Variants in GPC5 observed in about 807,000 individuals in gnomAD.
The protein encoded by GPC5 is glypican 5.
A neutral mutation model predicts 53.9 loss-of-function variants in GPC5; 47 were observed. The observed-to-expected ratio is 0.87, with a 90% CI of 0.69 to 1.11. GPC5 has a LOEUF of 1.11. GPC5 is among the 50% of genes most tolerant of loss of function. The pLI, the probability that GPC5 is intolerant of heterozygous loss-of-function variation, is 0.00. For missense variants in GPC5, 748 were observed against 713.1 expected, an observed-to-expected ratio of 1.05 and a Z score of -0.56; for synonymous variants, 286 against 263.3, an observed-to-expected ratio of 1.09 and a Z score of -0.84.
intron 7 of GPC5, among the ~76,000 whole-genome samples, chr13:92,731,648 G>C (rs1888808511): frequency 6.6e-6 from 1 of 151,234 alleles, no homozygotes; most frequent in African/African-American, 2.4e-5. Flanking sequence ...TAAATTGAGA[G>C]TAAATCTTAC....
chr13:92,502,448 C>T (rs943624932), intron 7 of GPC5, among the ~76,000 whole-genome samples: 7 of 151,412 alleles, frequency 4.6e-5, no homozygotes, highest in African/African-American at 1.7e-4. Context: ...TTAAAAAAAA[C>T]ATGAAATGGC....
intron 5 of GPC5, among the ~76,000 whole-genome samples, chr13:91,874,344 A>C (rs1239065140): frequency 6.6e-6 from 1 of 151,948 alleles, no homozygotes; most frequent in African/African-American, 2.4e-5. Flanking sequence ...TAACAGTTTT[A>C]ATCTTGTTTT....
intron 7 of GPC5, among the ~76,000 whole-genome samples, chr13:92,203,479 G>T (rs2042309490): frequency 9.2e-6 from 1 of 108,240 alleles, no homozygotes; most frequent in Non-Finnish European, 1.8e-5. Context: ...ACACTCTGGG[G>T]ACTGTGGTGG....
At chr13:92,572,874 A>G (rs1199514711) in intron 7 of GPC5, among the ~76,000 whole-genome samples, 11 of 152,206 alleles carry the variant, frequency 7.2e-5, no homozygotes, top group Non-Finnish European at 1.2e-4. Flanking sequence ...TCCCAAAACA[A>G]AAAACAAAAT....
chr13:92,248,278 A>C (rs1186130553), intron 7 of GPC5, among the ~76,000 whole-genome samples: 5 of 152,134 alleles, frequency 3.3e-5, no homozygotes, highest in Non-Finnish European at 5.9e-5. Flanking sequence ...TTTGGAATGG[A>C]AGATGGTGTA....
intron 7 of GPC5, among the ~76,000 whole-genome samples, chr13:92,480,259 G>A (rs1251319625): frequency 6.6e-6 from 1 of 152,166 alleles, no homozygotes; most frequent in Non-Finnish European, 1.5e-5. Context: ...TCAGTGCAGA[G>A]AGGTCTTTTT....
At chr13:92,591,431 T>C (rs1305898092) in intron 7 of GPC5, among the ~76,000 whole-genome samples, 1 of 152,218 alleles carries the variant, frequency 6.6e-6, no homozygotes, top group Non-Finnish European at 1.5e-5. Context: ...GTGTTTACAG[T>C]CTCTGCCTGG....
At chr13:92,387,020 A>G (rs1874758336) in intron 7 of GPC5, among the ~76,000 whole-genome samples, 1 of 152,118 alleles carries the variant, frequency 6.6e-6, no homozygotes, top group Admixed American at 6.6e-5. Flanking sequence ...TAGTAGAATT[A>G]GAACTCACAC....
chr13:92,555,751 A>G (rs1882472460), intron 7 of GPC5, among the ~76,000 whole-genome samples: 1 of 149,764 alleles, frequency 6.7e-6, no homozygotes, highest in South Asian at 2.1e-4. Flanking sequence ...ATACATTAAT[A>G]CAGTAGATAT....
intron 7 of GPC5, among the ~76,000 whole-genome samples, chr13:92,680,860 A>G (rs1325487303): frequency 6.6e-6 from 1 of 152,186 alleles, no homozygotes; most frequent in East Asian, 1.9e-4. Context: ...TTCAGCTCTC[A>G]GTCTATCTAC....
chr13:91,971,612 A>T (rs1269043865), intron 6 of GPC5, among the ~76,000 whole-genome samples: 1 of 152,080 alleles, frequency 6.6e-6, no homozygotes, highest in Non-Finnish European at 1.5e-5. Context: ...TAGTGCTATA[A>T]ATTTCCCTCT....
At chr13:92,753,477 G>A (rs542658889) in intron 7 of GPC5, among the ~76,000 whole-genome samples, 105 of 152,332 alleles carry the variant, frequency 6.9e-4, no homozygotes, top group Non-Finnish European at 1.2e-3. Context: ...AAAGCTGGAC[G>A]GAGAATGACT....
intron 7 of GPC5, among the ~76,000 whole-genome samples, chr13:92,303,349 T>TA (rs1280678032): frequency 1.3e-5 from 2 of 152,082 alleles, no homozygotes; most frequent in African/African-American, 4.8e-5. Flanking sequence ...GTTTAATGTT[T>TA]AGAAGTTAAA....
At chr13:92,294,004 G>C (rs1197117280) in intron 7 of GPC5, among the ~76,000 whole-genome samples, 1 of 152,130 alleles carries the variant, frequency 6.6e-6, no homozygotes, top group East Asian at 1.9e-4. Context: ...TTATTGACTT[G>C]TGTGTGTTAA....
chr13:91,418,338 T>C (rs758252437), intron 1 of GPC5, among the ~76,000 whole-genome samples: 10 of 152,134 alleles, frequency 6.6e-5, no homozygotes. Context: ...TAGAAATGAA[T>C]AAACGTCTCT....
chr13:91,698,117 G>C (rs1210840674), intron 3 of GPC5, among the ~76,000 whole-genome samples: 1 of 151,826 alleles, frequency 6.6e-6, no homozygotes, highest in East Asian at 1.9e-4. Flanking sequence ...TGGCCAGGTT[G>C]GTCTCGAGCT....
At chr13:92,226,761 G>A (rs1258576256) in intron 7 of GPC5, among the ~76,000 whole-genome samples, 1 of 151,888 alleles carries the variant, frequency 6.6e-6, no homozygotes, top group Non-Finnish European at 1.5e-5. Context: ...ATCACACCCA[G>A]CTGATTTTTT....
intron 7 of GPC5, among the ~76,000 whole-genome samples, chr13:92,174,544 A>AC (rs2042095302): frequency 6.6e-6 from 1 of 150,720 alleles, no homozygotes. Flanking sequence ...CAAAGAAAAA[A>AC]AAAAAACAAA....
At chr13:92,162,322 A>G (rs1275499971) in intron 7 of GPC5, among the ~76,000 whole-genome samples, 2 of 152,102 alleles carry the variant, frequency 1.3e-5, no homozygotes, top group African/African-American at 4.8e-5. Context: ...TCATTCAACA[A>G]ATTATTAATT....
Sources: gnomAD v4.1 joint callset for allele counts (sites outside exome capture counted in the v4.1 genomes callset) on GRCh38, gnomAD v4.1.1 for gene constraint, MANE v1.5 for transcripts, NCBI Gene and HGNC (gene_info 2026-07-23, HGNC 2026-07-21) for gene names.